Variants in FOXP1 observed in about 807,000 individuals in gnomAD.
The protein encoded by FOXP1 is forkhead box protein P1.
FOXP1 carries 15 observed loss-of-function variants against 98.2 expected under a neutral mutation model. The observed-to-expected ratio is 0.15, with a 90% CI of 0.10 to 0.24. FOXP1 has a LOEUF of 0.24. Among genes scored for constraint, FOXP1 ranks in the 10% least tolerant of loss-of-function variants. The probability of loss-of-function intolerance (pLI) is 1.00; values close to 1 mark genes in which losing one functional copy is unlikely to be tolerated. For synonymous variants in FOXP1, 371 were observed against 314.5 expected (o/e 1.18, Z -1.90); for missense variants, 633 against 848.5 (o/e 0.75, Z 3.15).
At chr3:71,427,130 C>A (rs572081043) in intron 3 of FOXP1, among the ~76,000 whole-genome samples, 1 of 150,034 alleles carries the variant, frequency 6.7e-6, no homozygotes, top group East Asian at 1.9e-4. Context: ...TTTTATGTCT[C>A]TCTTGGTTTA....
rs552638680 is a variant in FOXP1 at position 71,295,680 on chromosome 3, C to T, written c.-12+4140G>A. 3.9e-5 allele frequency among the ~76,000 whole-genome samples: 6 copies of T among 152,204 alleles called. 1 individual carries two copies. Among genetic ancestry groups the T allele is most frequent in the African/African-American group, 9.6e-5 (4 of 41,526 alleles). On this transcript the variant is annotated intron_variant, in intron 5 of 20. Transcript: ENST00000649528. ...TGATGATTATCTTCAACTCTCAATG[C>T]CATTCAGAATTGAATATAAGATGAT...
intron 2 of FOXP1, among the ~76,000 whole-genome samples, chr3:71,569,091 AT>A (rs1351750878): frequency 6.6e-6 from 1 of 152,102 alleles, no homozygotes; most frequent in Non-Finnish European, 1.5e-5. Flanking sequence ...AGAGAACAGC[AT>A]TTTTTTCACT....
chr3:70,983,199 G>A (rs546217609), intron 14 of FOXP1, among the ~76,000 whole-genome samples: 13 of 152,020 alleles, frequency 8.6e-5, no homozygotes, highest in African/African-American at 3.1e-4. Context: ...AAGCGAACTC[G>A]TGGAAGGTTA....
intron 2 of FOXP1, among the ~76,000 whole-genome samples, chr3:71,525,427 G>C (rs1185457189): frequency 6.6e-6 from 1 of 152,208 alleles, no homozygotes; most frequent in Non-Finnish European, 1.5e-5. Flanking sequence ...GGCAATCGCT[G>C]AGAGAACTTT....
chr3:71,130,676 TG>T (rs768806072), intron 6 of FOXP1: 8 of 1,587,012 alleles, frequency 5.0e-6, no homozygotes, highest in Non-Finnish European at 6.0e-6. Context: ...GAAAACACAC[TG>T]GAACATTGCC....
At chr3:71,583,766 C>T (rs2048381085), upstream of FOXP1, 1 of 986,316 alleles carries the variant, frequency 1.0e-6, no homozygotes, top group Non-Finnish European at 1.2e-6. Context: ...CAATAGATTC[C>T]TCCGCTCCGG....
At chr3:71,280,126 C>CAAAAAAAAAAAAAAAAAAAAAAAAAAA (rs56674677) in intron 5 of FOXP1, among the ~76,000 whole-genome samples, 1 of 106,208 alleles carries the variant, frequency 9.4e-6, no homozygotes. Flanking sequence ...CTGTCTCAAA[C>CAAAAAAAAAAAAAAAAAAAAAAAAAAA]AAAAAAAAAA....
chr3:71,582,375 G>A (rs2048254175), intron 1 of FOXP1: 9 of 978,084 alleles, frequency 9.2e-6, no homozygotes, highest in Non-Finnish European at 1.1e-5. Flanking sequence ...GGCTCCCGGC[G>A]CCGCCGCCAC....
chr3:71,381,844 C>A (rs831078), intron 3 of FOXP1, among the ~76,000 whole-genome samples: 78,508 of 152,032 alleles, frequency 0.52, 23,417 homozygotes, highest in East Asian at 0.78. Flanking sequence ...TTATTTGTTA[C>A]GTATTAATTC....
At chr3:71,193,582 G>T (rs2063128839) in intron 6 of FOXP1, among the ~76,000 whole-genome samples, 2 of 151,986 alleles carry the variant, frequency 1.3e-5, no homozygotes, top group South Asian at 4.1e-4. Context: ...CTGAGTAGCT[G>T]GGACTACAAT....
intron 2 of FOXP1, among the ~76,000 whole-genome samples, chr3:71,565,055 C>T (rs1389770009): frequency 6.6e-6 from 1 of 152,122 alleles, no homozygotes; most frequent in African/African-American, 2.4e-5. Flanking sequence ...GCCGAGATCG[C>T]ACCACTGCAC....
At chr3:71,512,519 T>C (rs1449780953) in intron 2 of FOXP1, among the ~76,000 whole-genome samples, 4 of 152,124 alleles carry the variant, frequency 2.6e-5, no homozygotes, top group African/African-American at 9.7e-5. Flanking sequence ...TTTTCCCCCA[T>C]CACAACACAC....
In FOXP1 at chr3:70,970,777, T is replaced by C. The variant is rs2036059474; in HGVS notation, c.1681A>G (p.Ser561Gly). Residue 561 changes from serine to glycine, a missense_variant, in exon 19 of 21, where the codon AGC becomes GGC. Ser to Gly is a moderately conservative substitution (Grantham distance 56). Around this residue, in one of 6 missense-constraint regions of FOXP1, gnomAD observed 150 missense variants for 163.7 expected, o/e 0.92. Transcript: ENST00000649528. ...GNPSLIKNMQ[S>G]SHAYCTPLNA... The stretch of plus-strand genomic sequence containing the variant: ...AGAGGTGTGCAGTAGGCGTGGCTGC[T>C]CTGCATGTTTTTAATAAGGGAAGGG... 2 of 1,613,998 alleles carry C rather than the reference T, an allele frequency of 1.2e-6. No homozygotes were observed. The highest frequency in any genetic ancestry group is 3.3e-5 in the Admixed American group (2 of 60,022).
chr3:71,487,456 G>A (rs60281674), intron 3 of FOXP1, among the ~76,000 whole-genome samples: 43,708 of 151,994 alleles, frequency 0.29, 6,615 homozygotes, highest in Non-Finnish European at 0.33. Flanking sequence ...TGCAAAGATC[G>A]CTCAAAAGCC....
chr3:71,251,030 T>A (rs1466499010), intron 5 of FOXP1, among the ~76,000 whole-genome samples: 1 of 152,230 alleles, frequency 6.6e-6, no homozygotes, highest in Non-Finnish European at 1.5e-5. Flanking sequence ...GTAAAAATTA[T>A]TTTTTATAAA....
chr3:71,514,475 T>C (rs1247691970), intron 2 of FOXP1, among the ~76,000 whole-genome samples: 1 of 152,230 alleles, frequency 6.6e-6, no homozygotes, highest in Non-Finnish European at 1.5e-5. Flanking sequence ...CCAGAATGAG[T>C]GCCCACAAGG....
chr3:71,096,305 G>T (rs894280601), intron 7 of FOXP1, among the ~76,000 whole-genome samples: 1 of 152,180 alleles, frequency 6.6e-6, no homozygotes, highest in Admixed American at 6.5e-5. Flanking sequence ...AAGCACTTAT[G>T]AAGGTTTTTA....
At chr3:71,152,216 T>C (rs1345597692) in intron 6 of FOXP1, among the ~76,000 whole-genome samples, 2 of 152,088 alleles carry the variant, frequency 1.3e-5, no homozygotes, top group South Asian at 2.1e-4. Context: ...GTGGTCTCCA[T>C]GAGCTTGCAG....
intron 3 of FOXP1, among the ~76,000 whole-genome samples, chr3:71,421,364 C>T (rs2083632921): frequency 2.0e-5 from 3 of 152,040 alleles, no homozygotes; most frequent in Admixed American, 2.0e-4. Flanking sequence ...ATGCCCTGTT[C>T]GTAATTTCAG....
Sources: gnomAD v4.1 joint callset for allele counts (sites outside exome capture counted in the v4.1 genomes callset) on GRCh38, gnomAD v4.1.1 for gene constraint, gnomAD v4.1.1 regional missense constraint, MANE v1.5 for transcripts, NCBI Gene and HGNC (gene_info 2026-07-23, HGNC 2026-07-21) for gene names.